Variants in RNF144A observed in about 807,000 individuals in gnomAD.
The protein encoded by RNF144A is ring finger protein 144A.
A neutral mutation model predicts 38.7 loss-of-function variants in RNF144A; 11 were observed. That is an observed-to-expected ratio of 0.28 (90% confidence interval 0.18 to 0.47). RNF144A has a LOEUF of 0.47. Among genes scored for constraint, RNF144A ranks in the 20% least tolerant of loss-of-function variants. The pLI is 0.99. For missense variants in RNF144A, 316 were observed against 377.2 expected (o/e 0.84, Z 1.34); for synonymous variants, 149 against 143.9 (o/e 1.04, Z -0.25).
intron 2 of RNF144A, among the ~76,000 whole-genome samples, chr2:6,960,576 G>A (rs1394735266): frequency 6.6e-6 from 1 of 152,142 alleles, no homozygotes; most frequent in Non-Finnish European, 1.5e-5. Context: ...ATCACGACTC[G>A]GAAGTATTGG....
downstream of RNF144A, chr2:7,044,264 T>G: frequency 1.2e-6 from 1 of 858,870 alleles, no homozygotes; most frequent in Non-Finnish European, 1.4e-6. Flanking sequence ...CTTCAATATT[T>G]AATCTATTGA....
intron 2 of RNF144A, among the ~76,000 whole-genome samples, chr2:6,973,952 C>T (rs1262580836): frequency 3.3e-5 from 5 of 152,212 alleles, no homozygotes; most frequent in Admixed American, 2.0e-4. Flanking sequence ...TTGCCAGTCT[C>T]TGGTCCACAC....
At chr2:6,985,246 T>C (rs1031415933) in intron 2 of RNF144A, among the ~76,000 whole-genome samples, 24 of 149,932 alleles carry the variant, frequency 1.6e-4, no homozygotes, top group African/African-American at 5.7e-4. Flanking sequence ...ATTTTGCATG[T>C]TTTAATTCAT....
chr2:6,951,326 C>T (rs192496648), intron 2 of RNF144A, among the ~76,000 whole-genome samples: 99 of 151,734 alleles, frequency 6.5e-4, no homozygotes, highest in African/African-American at 2.3e-3. Flanking sequence ...AGGTTGCCCA[C>T]CTCTGTGTCA....
chr2:6,930,701 C>G (rs983380645), intron 1 of RNF144A, among the ~76,000 whole-genome samples: 9 of 152,260 alleles, frequency 5.9e-5, no homozygotes, highest in Middle Eastern at 3.4e-3. Flanking sequence ...AAGCAATCCT[C>G]CCACCTCAGC....
chr2:7,024,496 T>A lies in RNF144A; in HGVS notation c.637T>A (p.Tyr213Asn). 1 of 1,610,958 alleles carries A rather than the reference T, an allele frequency of 6.2e-7. No homozygotes were observed. The change falls in exon 7 of 9, where the codon TAC (tyrosine) becomes AAC (asparagine). Residue 213 changes from tyrosine to asparagine, a missense_variant. Physicochemically the swap from Tyr to Asn is moderately radical, Grantham distance 143. Coordinates refer to ENST00000320892, the MANE Select transcript of RNF144A (RefSeq NM_014746.6). ...CKNCKHAFCW[Y>N]CLESLDDDFL... ...GAACTGCAAGCACGCCTTCTGCTGG[T>A]ACTGCCTGGAGTCTCTGGACGTGAG...
At chr2:6,990,914 T>C (rs535193860) in intron 2 of RNF144A, among the ~76,000 whole-genome samples, 10 of 152,236 alleles carry the variant, frequency 6.6e-5, no homozygotes, top group Non-Finnish European at 8.8e-5. Context: ...TTTTCCAGAA[T>C]GTCCTAGAGT....
intron 2 of RNF144A, among the ~76,000 whole-genome samples, chr2:6,954,233 G>GT (rs1474076362): frequency 6.6e-6 from 1 of 151,402 alleles, no homozygotes; most frequent in Non-Finnish European, 1.5e-5. Context: ...GCCGTTTTCT[G>GT]TTTTTTAAAT....
chr2:6,923,571 T>C (rs1427440519), intron 1 of RNF144A, among the ~76,000 whole-genome samples: 2 of 152,242 alleles, frequency 1.3e-5, no homozygotes, highest in African/African-American at 2.4e-5. Flanking sequence ...TCATCACAAA[T>C]GCTGCCTTTC....
At chr2:7,068,483 C>T (rs1674324257), downstream of RNF144A, among the ~76,000 whole-genome samples, 1 of 152,150 alleles carries the variant, frequency 6.6e-6, no homozygotes, top group South Asian at 2.1e-4. Flanking sequence ...AAACAATAAG[C>T]AGAAGAAGCA....
intron 2 of RNF144A, among the ~76,000 whole-genome samples, chr2:6,975,752 G>A (rs896320225): frequency 3.9e-5 from 6 of 152,224 alleles, no homozygotes; most frequent in Non-Finnish European, 5.9e-5. Context: ...CCTGAGCCCA[G>A]GAGGACAGTG....
downstream of RNF144A, among the ~76,000 whole-genome samples, chr2:7,047,120 A>G (rs886098977): frequency 7.9e-5 from 12 of 152,196 alleles, no homozygotes; most frequent in African/African-American, 2.9e-4. Flanking sequence ...AACATTGTAA[A>G]TAGGTTTTCA....
rs146678550 is a variant in RNF144A, at chr2:6,961,312, G to A, written c.-12+20165G>A. Among the ~76,000 whole-genome samples, 7 of 152,072 alleles carry A rather than the reference G, an allele frequency of 4.6e-5. No individual in the cohort carries two copies. The East Asian group carries it at 1.4e-3, about 29-fold the overall frequency. ...TATGATGATAATGATTATGTGCTAC[G>A]ACAATATGACCAGGAAAAAAAATTA... is the stretch of plus-strand genomic sequence containing the variant. On this transcript the variant is annotated intron_variant, in intron 2 of 8. Transcript: ENST00000320892.
At chr2:6,929,680 T>C (rs1206848277) in intron 1 of RNF144A, among the ~76,000 whole-genome samples, 1 of 152,214 alleles carries the variant, frequency 6.6e-6, no homozygotes, top group African/African-American at 2.4e-5. Flanking sequence ...TACGCAATCG[T>C]AGTTTGGAAG....
intron 2 of RNF144A, among the ~76,000 whole-genome samples, chr2:6,972,779 G>A (rs1403891842): frequency 6.6e-6 from 1 of 152,240 alleles, no homozygotes; most frequent in African/African-American, 2.4e-5. Context: ...AACTCCCAGA[G>A]AAAAGGACCT....
At chr2:7,020,705 C>T in intron 6 of RNF144A, 25 bp downstream of exon 6, 1 of 1,588,182 alleles carries the variant, frequency 6.3e-7, no homozygotes, top group Non-Finnish European at 8.6e-7. Flanking sequence ...CAAGCTGCCA[C>T]CAAAGGCATG....
At chr2:7,046,701 A>T (rs1045460172), downstream of RNF144A, among the ~76,000 whole-genome samples, 1 of 152,184 alleles carries the variant, frequency 6.6e-6, no homozygotes, top group Non-Finnish European at 1.5e-5. Context: ...AACAGCTCAC[A>T]TCATGGCTCA....
chr2:7,063,904 T>C (rs1674080088), intron 6 of RNF144A, among the ~76,000 whole-genome samples: 1 of 152,188 alleles, frequency 6.6e-6, no homozygotes, highest in African/African-American at 2.4e-5. Flanking sequence ...TAGTGGATAA[T>C]TTATTAAGAA....
At chr2:7,035,189 T>G (rs919069203) in intron 8 of RNF144A, among the ~76,000 whole-genome samples, 1 of 152,120 alleles carries the variant, frequency 6.6e-6, no homozygotes, top group Admixed American at 6.5e-5. Context: ...CTTCTCCCTG[T>G]CAAGCTATAT....
Sources: gnomAD v4.1 joint callset for allele counts (sites outside exome capture counted in the v4.1 genomes callset) on GRCh38, gnomAD v4.1.1 for gene constraint, MANE v1.5 for transcripts, NCBI Gene and HGNC (gene_info 2026-07-23, HGNC 2026-07-21) for gene names.